SV2C: variants seen among roughly 807,000 people sequenced by gnomAD.
SV2C encodes synaptic vesicle glycoprotein 2C.
Under a neutral mutation model 79.7 loss-of-function variants are expected in SV2C, and 49 were observed. That is an observed-to-expected ratio of 0.61 (90% CI 0.49 to 0.78). The LOEUF (loss-of-function observed/expected upper bound fraction) is 0.78, where lower values mean the gene tolerates loss of function less well. Ranked by LOEUF, SV2C falls within the 30% of genes least tolerant of loss-of-function variation. The pLI, the probability that SV2C is intolerant of heterozygous loss-of-function variation, is 0.00. For synonymous variants in SV2C, 334 were observed against 333.2 expected (o/e 1.00, Z -0.03); for missense variants, 833 against 912.9 (o/e 0.91, Z 1.13).
At chr5:76,275,011 C>A (rs529670998) in intron 4 of SV2C, among the ~76,000 whole-genome samples, 3 of 152,024 alleles carry the variant, frequency 2.0e-5, no homozygotes, top group African/African-American at 7.3e-5. Flanking sequence ...TGGCCAGGTG[C>A]CTTGTGAGTA....
At chr5:75,856,854 T>TA in the SV2C span, among the ~76,000 whole-genome samples, 1 of 152,032 alleles carries the variant, frequency 6.6e-6, no homozygotes, top group Non-Finnish European at 1.5e-5. Context: ...GGAACATTAG[T>TA]AAAAAAATAT....
chr5:76,349,412 T>C (rs1749606115), intron 12 of SV2C, among the ~76,000 whole-genome samples: 1 of 151,766 alleles, frequency 6.6e-6, no homozygotes, highest in Admixed American at 6.6e-5. Context: ...CTCAGGAGGC[T>C]GAGGCAGGAG....
At chr5:76,307,348 G>A (rs764716198) in intron 12 of SV2C, among the ~76,000 whole-genome samples, 1 of 152,170 alleles carries the variant, frequency 6.6e-6, no homozygotes, top group Non-Finnish European at 1.5e-5. Context: ...CAGATACAGA[G>A]AACAAAAAGC....
chr5:75,896,590 G>A, the SV2C span, among the ~76,000 whole-genome samples: 1 of 151,872 alleles, frequency 6.6e-6, no homozygotes, highest in Non-Finnish European at 1.5e-5. Flanking sequence ...GTAATGGGAT[G>A]GCTGGATCAA....
At chr5:76,120,899 G>A (rs1405333817) in intron 1 of SV2C, among the ~76,000 whole-genome samples, 2 of 150,886 alleles carry the variant, frequency 1.3e-5, no homozygotes, top group Non-Finnish European at 2.9e-5. Flanking sequence ...GGGATGGCTG[G>A]GTCAAATGGT....
At chr5:75,962,586 C>T in the SV2C span, among the ~76,000 whole-genome samples, 1 of 152,040 alleles carries the variant, frequency 6.6e-6, no homozygotes, top group Non-Finnish European at 1.5e-5. Flanking sequence ...TCAGTGATAA[C>T]CCACTGGTTT....
intron 12 of SV2C, among the ~76,000 whole-genome samples, chr5:76,304,214 C>G (rs1356323504): frequency 6.6e-6 from 1 of 152,210 alleles, no homozygotes; most frequent in Non-Finnish European, 1.5e-5. Context: ...ATCAGATAAT[C>G]ACAGGAAGTC....
At chr5:76,157,695 A>G (rs6897128) in intron 2 of SV2C, among the ~76,000 whole-genome samples, 69,386 of 151,432 alleles carry the variant, frequency 0.46, 16,167 homozygotes, top group South Asian at 0.53. Context: ...TAGTGGTAAC[A>G]AATTCACATA....
chr5:76,060,159 G>A, the SV2C span, among the ~76,000 whole-genome samples: 1 of 152,052 alleles, frequency 6.6e-6, no homozygotes, highest in African/African-American at 2.4e-5. Context: ...AATTCTTAAG[G>A]GCACTATGAT....
At chr5:75,906,670 C>T in the SV2C span, among the ~76,000 whole-genome samples, 518 of 152,226 alleles carry the variant, frequency 3.4e-3, 1 homozygote, top group African/African-American at 0.012. Flanking sequence ...TTCTCTTTTT[C>T]TGCTGACTTC....
the SV2C span, among the ~76,000 whole-genome samples, chr5:75,953,908 A>C: frequency 6.6e-6 from 1 of 151,940 alleles, no homozygotes; most frequent in Non-Finnish European, 1.5e-5. Context: ...CTGCACCTCC[A>C]AATGAACTGT....
At chr5:76,121,144 T>C (rs1476123133) in intron 1 of SV2C, among the ~76,000 whole-genome samples, 1 of 151,860 alleles carries the variant, frequency 6.6e-6, no homozygotes, top group Non-Finnish European at 1.5e-5. Context: ...TTTCATGTCT[T>C]TTTTGGCTGC....
At chr5:75,975,982 A>G in the SV2C span, among the ~76,000 whole-genome samples, 1 of 152,310 alleles carries the variant, frequency 6.6e-6, no homozygotes, top group East Asian at 1.9e-4. Flanking sequence ...TTAAATCCAT[A>G]TGGCAGAAGA....
chr5:76,115,170 C>T (rs2112148052), intron 1 of SV2C, among the ~76,000 whole-genome samples: 1 of 152,312 alleles, frequency 6.6e-6, no homozygotes, highest in Non-Finnish European at 1.5e-5. Context: ...TAGGAACAAT[C>T]GCGCGTTGGT....
chr5:76,330,465 A>G lies in SV2C; in HGVS notation c.*4918A>G, dbSNP rs1359701890. On this transcript the variant is annotated 3_prime_UTR_variant, in exon 13 of 13. Transcript: ENST00000502798. ...GTATTGAGACACTGCTGTGTGCAAT[A>G]ATTAAGCCTATGGAGGACTTAAATG... 1 of 152,154 alleles carries G rather than the reference A, an allele frequency of 6.6e-6. No homozygotes were observed. Among genetic ancestry groups the G allele is most frequent in the Non-Finnish European group, 1.5e-5 (1 of 68,034 alleles). The allele number at this position is 152,154 out of a possible 1,614,324, so 9.4% of individuals were successfully genotyped here.
In SV2C at chr5:76,323,991, A is replaced by G. The variant is rs921315491; in HGVS notation, c.2001-1373A>G. On this transcript the variant is annotated intron_variant, in intron 12 of 12. Transcript: ENST00000502798. ...TGTAACAAACCTGCACGTTCTGCAC[A>G]TGTATCTCGGAACTGAAAGTAAAAT... 5.3e-5 allele frequency among the ~76,000 whole-genome samples: 8 copies of G among 152,244 alleles called. No individual in the cohort carries two copies. The East Asian group carries it at 1.3e-3, about 26-fold the overall frequency.
At chr5:76,019,712 A>G in the SV2C span, among the ~76,000 whole-genome samples, 3 of 152,166 alleles carry the variant, frequency 2.0e-5, no homozygotes, top group Admixed American at 6.5e-5. Flanking sequence ...GAGAGAAAAA[A>G]CATTAAAGAG....
intron 2 of SV2C, among the ~76,000 whole-genome samples, chr5:76,134,710 T>A (rs1447419059): frequency 6.6e-6 from 1 of 152,182 alleles, no homozygotes; most frequent in African/African-American, 2.4e-5. Flanking sequence ...TCTGTGTATA[T>A]AGTCTGTGTG....
At chr5:76,167,264 G>A (rs1055309903) in intron 2 of SV2C, among the ~76,000 whole-genome samples, 2 of 152,160 alleles carry the variant, frequency 1.3e-5, no homozygotes, top group Admixed American at 1.3e-4. Context: ...AATTAACTTT[G>A]GGACATAGTA....
Sources: gnomAD v4.1 joint callset for allele counts (sites outside exome capture counted in the v4.1 genomes callset) on GRCh38, gnomAD v4.1.1 for gene constraint, MANE v1.5 for transcripts, NCBI Gene and HGNC (gene_info 2026-07-23, HGNC 2026-07-21) for gene names.